Variants in VTI1A observed in about 807,000 individuals in gnomAD.
The protein encoded by VTI1A is vesicle transport through interaction with t-SNAREs 1A.
Under a neutral mutation model 34.9 loss-of-function variants are expected in VTI1A, and 22 were observed. The observed-to-expected ratio is 0.63, with a 90% confidence interval of 0.45 to 0.90. The LOEUF is 0.90. VTI1A is among the 40% of genes least tolerant of loss of function. The probability of loss-of-function intolerance (pLI) is 0.00; values close to 1 mark genes in which losing one functional copy is unlikely to be tolerated. For missense variants in VTI1A, 268 were observed against 275.6 expected, an observed-to-expected ratio of 0.97 and a Z score of 0.20; for synonymous variants, 87 against 97.3, an observed-to-expected ratio of 0.89 and a Z score of 0.62.
intron 7 of VTI1A, among the ~76,000 whole-genome samples, chr10:112,798,051 A>T (rs1400980700): frequency 4.7e-5 from 3 of 63,596 alleles, no homozygotes; most frequent in Non-Finnish European, 5.1e-5. Context: ...AGGTTAGTAA[A>T]CACCAGGCTC....
chr10:112,548,042 A>C (rs1487201572), intron 5 of VTI1A, among the ~76,000 whole-genome samples: 2 of 152,118 alleles, frequency 1.3e-5, no homozygotes, highest in Non-Finnish European at 2.9e-5. Context: ...AATGCATTTA[A>C]ATTTTGAGGT....
At chr10:112,721,093 G>C (rs1849789728) in intron 7 of VTI1A, among the ~76,000 whole-genome samples, 1 of 152,114 alleles carries the variant, frequency 6.6e-6, no homozygotes, top group South Asian at 2.1e-4. Context: ...TTTTATGTGT[G>C]GGGAAACTGA....
intron 7 of VTI1A, among the ~76,000 whole-genome samples, chr10:112,674,718 T>G (rs1847969365): frequency 6.6e-6 from 1 of 152,166 alleles, no homozygotes; most frequent in South Asian, 2.1e-4. Flanking sequence ...CTATCCCCCT[T>G]TTACAGGTGA....
chr10:112,653,712 C>T (rs1321439919), intron 5 of VTI1A, among the ~76,000 whole-genome samples: 1 of 152,146 alleles, frequency 6.6e-6, no homozygotes, highest in Non-Finnish European at 1.5e-5. Flanking sequence ...AAACCTTTCC[C>T]TGGAGGGGAG....
At chr10:112,821,067 T>C (rs551494370), downstream of VTI1A, among the ~76,000 whole-genome samples, 3 of 152,120 alleles carry the variant, frequency 2.0e-5, no homozygotes, top group East Asian at 5.8e-4. Flanking sequence ...CACTTCCTCA[T>C]CCGGAATCGC....
At chr10:112,528,056 A>ATG (rs1850298616) in intron 4 of VTI1A, among the ~76,000 whole-genome samples, 1 of 152,156 alleles carries the variant, frequency 6.6e-6, no homozygotes, top group Non-Finnish European at 1.5e-5. Flanking sequence ...CTTCAGAAAC[A>ATG]AGACCTGAAC....
chr10:112,513,210 C>G (rs1254099870), intron 3 of VTI1A, among the ~76,000 whole-genome samples: 1 of 151,946 alleles, frequency 6.6e-6, no homozygotes, highest in Non-Finnish European at 1.5e-5. Flanking sequence ...TCTTCAAATT[C>G]TTTCATCAGT....
intron 2 of VTI1A, among the ~76,000 whole-genome samples, chr10:112,463,108 A>G (rs1847783350): frequency 1.3e-5 from 2 of 152,128 alleles, no homozygotes; most frequent in African/African-American, 4.8e-5. Flanking sequence ...TATTTTTAGT[A>G]GAGACGGGAT....
intron 7 of VTI1A, among the ~76,000 whole-genome samples, chr10:112,747,709 G>C (rs1850948408): frequency 6.6e-6 from 1 of 152,180 alleles, no homozygotes; most frequent in African/African-American, 2.4e-5. Context: ...CCCTTACCTG[G>C]AGACTGGGTT....
chr10:112,482,504 A>G (rs1021361789), intron 3 of VTI1A, among the ~76,000 whole-genome samples: 1 of 152,182 alleles, frequency 6.6e-6, no homozygotes, highest in Admixed American at 6.5e-5. Flanking sequence ...ATTCGAATGA[A>G]AAATGGCCGT....
At chr10:112,671,007 G>T (rs1847826190) in intron 7 of VTI1A, among the ~76,000 whole-genome samples, 1 of 152,166 alleles carries the variant, frequency 6.6e-6, no homozygotes, top group African/African-American at 2.4e-5. Context: ...AAATGCAGTG[G>T]TTTTAGTTTC....
chr10:112,819,396 C>T (rs867809473), downstream of VTI1A, among the ~76,000 whole-genome samples: 7 of 152,100 alleles, frequency 4.6e-5, no homozygotes, highest in Non-Finnish European at 1.0e-4. Flanking sequence ...TTCAGAGGAA[C>T]CACCGTGAGT....
intron 7 of VTI1A, among the ~76,000 whole-genome samples, chr10:112,809,458 C>A (rs1447618727): frequency 6.6e-6 from 1 of 152,156 alleles, no homozygotes. Flanking sequence ...TGTCAGACCC[C>A]AAAAGTGGGG....
chr10:112,826,734 G>C, the VTI1A span: 13 of 152,302 alleles, frequency 8.5e-5, no homozygotes, highest in Admixed American at 7.8e-4. Context: ...CAGGAAGAAG[G>C]CATCCCCATT....
At chr10:112,699,017 G>A (rs549297482) in intron 7 of VTI1A, among the ~76,000 whole-genome samples, 9 of 152,290 alleles carry the variant, frequency 5.9e-5, no homozygotes, top group Admixed American at 1.3e-4. Flanking sequence ...TGGGTGTGTC[G>A]TGTCACAAAG....
At chr10:112,459,681 C>T (rs1344372364) in intron 1 of VTI1A, among the ~76,000 whole-genome samples, 1 of 152,046 alleles carries the variant, frequency 6.6e-6, no homozygotes, top group Non-Finnish European at 1.5e-5. Context: ...CTGGTTTGCA[C>T]AAAACTTAAC....
chr10:112,813,750 C>T (rs1374108834), intron 7 of VTI1A, among the ~76,000 whole-genome samples: 1 of 152,160 alleles, frequency 6.6e-6, no homozygotes, highest in Non-Finnish European at 1.5e-5. Flanking sequence ...GCTGTCATCA[C>T]AGAAGAATTA....
chr10:112,454,107 A>C (rs972653565), intron 1 of VTI1A, among the ~76,000 whole-genome samples: 3 of 152,204 alleles, frequency 2.0e-5, no homozygotes, highest in Non-Finnish European at 4.4e-5. Flanking sequence ...CCATTTAAAA[A>C]TTATCTGTTC....
In VTI1A at chr10:112,587,915, T is replaced by G. The variant is rs917037493; in HGVS notation, c.427+49585T>G. Among the ~76,000 whole-genome samples, 337 of 144,738 alleles carry G rather than the reference T, an allele frequency of 2.3e-3. 3 individuals carry two copies. Among genetic ancestry groups the G allele is most frequent in the African/African-American group, 8.0e-3 (319 of 39,834 alleles). The allele number at this position is 144,738 out of a possible 152,430, so 95.0% of individuals were successfully genotyped here. A position where few individuals can be genotyped will look rare whatever the true frequency, so the allele number is the denominator to read the frequency against. The stretch of plus-strand genomic sequence containing the variant: ...GCAGTACTTTATTCAAGAGAAGTGG[T>G]TTTTTTTTTTTACCCTTAACTTATG... On this transcript the variant is annotated intron_variant, in intron 5 of 7. Coordinates refer to ENST00000393077, the MANE Select transcript of VTI1A (RefSeq NM_145206.4).
Sources: gnomAD v4.1 joint callset for allele counts (sites outside exome capture counted in the v4.1 genomes callset) on GRCh38, gnomAD v4.1.1 for gene constraint, MANE v1.5 for transcripts, NCBI Gene and HGNC (gene_info 2026-07-23, HGNC 2026-07-21) for gene names.